Variants in CADM2 observed in about 807,000 individuals in gnomAD.
CADM2 encodes cell adhesion molecule 2, also known as immunoglobulin superfamily member 4D.
CADM2 carries 12 observed loss-of-function variants against 49.8 expected under a neutral mutation model. The observed-to-expected ratio is 0.24, with a 90% CI of 0.15 to 0.39. The LOEUF is 0.39. Among genes scored for constraint, CADM2 ranks in the 10% least tolerant of loss-of-function variants. CADM2 has a pLI of 1.00. For missense variants in CADM2, 378 were observed against 492.3 expected (o/e 0.77, Z 2.20); for synonymous variants, 214 against 175.4 (o/e 1.22, Z -1.74).
chr3:85,529,609 G>A (rs1260852368), intron 1 of CADM2, among the ~76,000 whole-genome samples: 4 of 152,008 alleles, frequency 2.6e-5, no homozygotes, highest in Non-Finnish European at 5.9e-5. Flanking sequence ...ATTACTCATT[G>A]CAATAAAATT....
At chr3:85,121,922 C>G (rs1374387323) in intron 1 of CADM2, among the ~76,000 whole-genome samples, 1 of 152,082 alleles carries the variant, frequency 6.6e-6, no homozygotes, top group Non-Finnish European at 1.5e-5. Context: ...TCATTTATCT[C>G]CAATTTATCT....
chr3:85,341,072 T>C lies in CADM2; in HGVS notation c.61+381404T>C, dbSNP rs577743082. On this transcript the variant is annotated intron_variant, in intron 1 of 9. Transcript: ENST00000383699. ...TGAACTCTGAATTAATATTTATTTT[T>C]CAAGCTTTTCTCTCTTACCCCAGTT... Among the ~76,000 whole-genome samples the C allele has an allele frequency of 1.1e-3, 173 of 151,912 alleles. 2 individuals are homozygous for C. The highest frequency in any genetic ancestry group is 4.0e-3 in the African/African-American group (167 of 41,538).
Position 86,068,953 on chromosome 3 carries a change from C to G in CADM2, c.*2170C>G, listed in dbSNP as rs901322966. 4 of 152,088 alleles carry G rather than the reference C, an allele frequency of 2.6e-5. No individual in the cohort carries two copies. The highest frequency in any genetic ancestry group is 9.7e-5 in the African/African-American group (4 of 41,428). The allele number at this position is 152,088 out of a possible 1,614,324, so 9.4% of individuals were successfully genotyped here. A position where few individuals can be genotyped will look rare whatever the true frequency, so the allele number is the denominator to read the frequency against. On this transcript the variant is annotated 3_prime_UTR_variant, in exon 10 of 10. Transcript: ENST00000383699. ...ATTGAAACTAGAATAGGTTTATAAACTGTTCATATCTTTCAATGCATAATC... is the reference window on the plus strand; with the variant it reads ...ATTGAAACTAGAATAGGTTTATAAAGTGTTCATATCTTTCAATGCATAATC...
intron 1 of CADM2, among the ~76,000 whole-genome samples, chr3:85,130,895 A>G (rs897768833): frequency 2.6e-5 from 4 of 152,226 alleles, no homozygotes; most frequent in Admixed American, 2.6e-4. Context: ...ATGAAAACAA[A>G]TTTTATGCTA....
At chr3:85,243,580 C>G (rs1454644507) in intron 1 of CADM2, among the ~76,000 whole-genome samples, 1 of 151,994 alleles carries the variant, frequency 6.6e-6, no homozygotes, top group African/African-American at 2.4e-5. Flanking sequence ...CGTAATTTTG[C>G]ATGCATTATC....
chr3:85,796,940 C>T (rs1172786876), intron 2 of CADM2, among the ~76,000 whole-genome samples: 1 of 151,732 alleles, frequency 6.6e-6, no homozygotes, highest in African/African-American at 2.4e-5. Flanking sequence ...ACTAAAAATG[C>T]AAAAATTAAC....
chr3:85,815,637 T>C (rs2073161015), intron 3 of CADM2, among the ~76,000 whole-genome samples: 1 of 152,200 alleles, frequency 6.6e-6, no homozygotes, highest in South Asian at 2.1e-4. Flanking sequence ...ACAGCCAATG[T>C]CATACTGAAT....
rs1221075666 is a variant in CADM2, at chr3:86,070,358, T to C, written c.*3575T>C. 6.6e-6 allele frequency: 1 copy of C among 151,974 alleles called. No homozygotes were observed. The highest frequency in any genetic ancestry group is 2.4e-5 in the African/African-American group (1 of 41,450). The allele number at this position is 151,974 out of a possible 1,614,324, so 9.4% of individuals were successfully genotyped here. On this transcript the variant is annotated 3_prime_UTR_variant, in exon 10 of 10. Transcript: ENST00000383699. The stretch of plus-strand genomic sequence containing the variant: ...CTGTTTGACAGTGATGGCTCTTCCA[T>C]GTAACATAGCAGTTATCGTGTAATT...
chr3:85,212,252 G>A (rs960226309), intron 1 of CADM2, among the ~76,000 whole-genome samples: 1 of 152,054 alleles, frequency 6.6e-6, no homozygotes, highest in Admixed American at 6.5e-5. Flanking sequence ...TGATTGAAGA[G>A]TTTAGTCCAT....
intron 1 of CADM2, among the ~76,000 whole-genome samples, chr3:84,978,053 A>T (rs2031942089): frequency 6.6e-6 from 1 of 152,128 alleles, no homozygotes; most frequent in African/African-American, 2.4e-5. Context: ...AGTAAATTAG[A>T]GATGGCAAAT....
At chr3:85,429,511 CT>C (rs1042819022) in intron 1 of CADM2, among the ~76,000 whole-genome samples, 30 of 151,684 alleles carry the variant, frequency 2.0e-4, no homozygotes, top group South Asian at 1.2e-3. Flanking sequence ...GCCATGTTAA[CT>C]TTTTTTTGAT....
intron 8 of CADM2, among the ~76,000 whole-genome samples, chr3:86,032,376 G>A (rs1341804922): frequency 6.6e-6 from 1 of 151,758 alleles, no homozygotes; most frequent in Non-Finnish European, 1.5e-5. Context: ...AGTAAACAAT[G>A]CTATAAAATA....
chr3:85,343,101 A>G (rs1209375014), intron 1 of CADM2, among the ~76,000 whole-genome samples: 3 of 152,156 alleles, frequency 2.0e-5, no homozygotes, highest in Non-Finnish European at 4.4e-5. Context: ...TCACGCTGAA[A>G]ATGGTAATGC....
At chr3:85,773,112 A>G (rs1010624676) in intron 2 of CADM2, among the ~76,000 whole-genome samples, 1 of 151,974 alleles carries the variant, frequency 6.6e-6, no homozygotes, top group Non-Finnish European at 1.5e-5. Context: ...AAAGAAATTC[A>G]GGAAAACAGG....
intron 1 of CADM2, among the ~76,000 whole-genome samples, chr3:85,593,799 T>C (rs187485700): frequency 4.9e-4 from 74 of 152,146 alleles, no homozygotes; most frequent in Non-Finnish European, 9.4e-4. Context: ...ATTTATGTTA[T>C]CTGTTAACTG....
At chr3:85,048,733 A>G (rs1202986649) in intron 1 of CADM2, among the ~76,000 whole-genome samples, 2 of 152,174 alleles carry the variant, frequency 1.3e-5, no homozygotes, top group Middle Eastern at 3.2e-3. Context: ...CAGGTAATAT[A>G]GAAGACAGGA....
At chr3:85,834,523 A>G (rs1436056486) in intron 3 of CADM2, among the ~76,000 whole-genome samples, 1 of 151,646 alleles carries the variant, frequency 6.6e-6, no homozygotes, top group South Asian at 2.1e-4. Context: ...TGTTGTTACA[A>G]TATATCAAAA....
intron 1 of CADM2, among the ~76,000 whole-genome samples, chr3:85,249,404 T>C (rs1026603588): frequency 3.9e-5 from 6 of 152,044 alleles, no homozygotes; most frequent in South Asian, 2.1e-4. Context: ...AGTTGTCTAG[T>C]TGAAATGATG....
chr3:85,219,771 C>T (rs965174665), intron 1 of CADM2, among the ~76,000 whole-genome samples: 1 of 151,862 alleles, frequency 6.6e-6, no homozygotes, highest in African/African-American at 2.4e-5. Flanking sequence ...AACTATTTTC[C>T]ATTTGAAAAA....
Sources: allele counts gnomAD v4.1 joint callset (sites outside exome capture counted in the v4.1 genomes callset), GRCh38; gene constraint gnomAD v4.1.1; transcripts MANE v1.5; gene names NCBI Gene and HGNC (gene_info 2026-07-23, HGNC 2026-07-21).